Variants in TULP4 observed in about 807,000 individuals in gnomAD.
TULP4 encodes TUB like protein 4.
TULP4 carries 16 observed loss-of-function variants against 129.0 expected under a neutral mutation model. The observed-to-expected ratio is 0.12, with a 90% CI of 0.08 to 0.19. The LOEUF (loss-of-function observed/expected upper bound fraction) is 0.19, where lower values mean the gene tolerates loss of function less well. TULP4 is among the 10% of genes least tolerant of loss of function. The probability of loss-of-function intolerance (pLI) is 1.00; values close to 1 mark genes in which losing one functional copy is unlikely to be tolerated. For synonymous variants in TULP4, 998 were observed against 854.0 expected (o/e 1.17, Z -2.94); for missense variants, 1,842 against 2,059.1 (o/e 0.89, Z 2.04).
At chr6:158,409,219 C>T (rs1037622012) in intron 1 of TULP4, among the ~76,000 whole-genome samples, 5 of 152,282 alleles carry the variant, frequency 3.3e-5, no homozygotes, top group South Asian at 4.2e-4. Context: ...CAGTTCTGCC[C>T]TATGTTTTTT....
At chr6:158,367,648 G>A (rs1776952157) in intron 1 of TULP4, among the ~76,000 whole-genome samples, 1 of 152,132 alleles carries the variant, frequency 6.6e-6, no homozygotes, top group Admixed American at 6.6e-5. Context: ...TTTACAGCTA[G>A]TACATTAAAT....
At chr6:158,381,446 G>A (rs1777323731) in intron 1 of TULP4, among the ~76,000 whole-genome samples, 1 of 152,154 alleles carries the variant, frequency 6.6e-6, no homozygotes, top group Non-Finnish European at 1.5e-5. Flanking sequence ...TGGCAGTTCA[G>A]GACAGATTTT....
intron 1 of TULP4, among the ~76,000 whole-genome samples, chr6:158,289,587 GTTTTGTTTTT>G (rs1442124149): frequency 3.3e-5 from 5 of 151,838 alleles, no homozygotes; most frequent in Admixed American, 3.3e-4. Context: ...GTTTTGTTTT[GTTTTGTTTTT>G]TGAGACAGCG....
chr6:158,238,215 C>T, intron 1 of TULP4: 1 of 855,394 alleles, frequency 1.2e-6, no homozygotes. Context: ...AGCTTAATTT[C>T]AATTGCATTT....
intron 1 of TULP4, chr6:158,237,439 G>A: frequency 6.4e-7 from 1 of 1,572,968 alleles, no homozygotes; most frequent in Non-Finnish European, 8.7e-7. Context: ...GATGTTACTT[G>A]TAGAGGCAGA....
At chr6:158,339,371 C>T (rs1780123720) in intron 1 of TULP4, among the ~76,000 whole-genome samples, 1 of 152,176 alleles carries the variant, frequency 6.6e-6, no homozygotes, top group African/African-American at 2.4e-5. Flanking sequence ...GAAACTAGAA[C>T]CACTAAAGAA....
At chr6:158,486,715 C>A (rs1464593112) in intron 8 of TULP4, among the ~76,000 whole-genome samples, 3 of 152,158 alleles carry the variant, frequency 2.0e-5, no homozygotes, top group Non-Finnish European at 4.4e-5. Context: ...TTATTGGAGC[C>A]ACCCAAGTCT....
rs1037568557 is a variant in TULP4, at chr6:158,503,247, A to G, written c.3584A>G (p.Tyr1195Cys). The change falls in exon 13 of 14, where the codon TAT (tyrosine) becomes TGT (cysteine). Residue 1195 changes from tyrosine to cysteine, a missense_variant. By Grantham distance (194) the Tyr-to-Cys change is radical. Transcript: ENST00000367097. This position sits in a 1 kb window ranked among gnomAD's most constrained non-coding sequence, Gnocchi z 4.3. ...YGMGVPYPGSYNNPPLPGVQA... is the reference protein window; with the variant it reads ...YGMGVPYPGSCNNPPLPGVQA... ...ATGGGAGTGCCATATCCAGGAAGCTATAACAACCCCCCTTTGCCTGGAGTG... is the reference window on the plus strand; with the variant it reads ...ATGGGAGTGCCATATCCAGGAAGCTGTAACAACCCCCCTTTGCCTGGAGTG... 18 of 1,614,002 alleles carry G rather than the reference A, an allele frequency of 1.1e-5. No individual in the cohort carries two copies. Among genetic ancestry groups the G allele is most frequent in the Non-Finnish European group, 1.4e-5 (17 of 1,179,998 alleles).
rs766755286 is a variant in TULP4 at position 158,494,831 on chromosome 6, A to G, written c.1855A>G (p.Thr619Ala). Residue 619 changes from threonine (T) to alanine (A), a missense_variant, in exon 11 of 14, where the codon ACC (threonine) becomes GCC (alanine). By Grantham distance (58) the Thr-to-Ala change is moderately conservative. Coordinates refer to ENST00000367097, the MANE Select transcript of TULP4 (RefSeq NM_020245.5). The stretch of plus-strand genomic sequence containing the variant: ...TGTGGGCTTGGCTGCTTTCCTGCCA[A>G]CCAACCTCGGTGCAGGTAAAAATCA... ...KIVGLAAFLP[T>A]NLGAVIYKTS... 5.5e-5 allele frequency: 89 copies of G among 1,613,968 alleles called. No homozygotes were observed. Among genetic ancestry groups the G allele is most frequent in the Non-Finnish European group, 6.5e-5 (77 of 1,179,994 alleles).
chr6:158,275,481 A>G (rs1778628567), intron 1 of TULP4, among the ~76,000 whole-genome samples: 1 of 152,156 alleles, frequency 6.6e-6, no homozygotes, highest in African/African-American at 2.4e-5. Context: ...TTCTCCTGGC[A>G]CTGATTTGCA....
rs144824242 is a variant in TULP4 at position 158,497,739 on chromosome 6, G to A, written c.1871-930G>A. Reference sequence around the variant, plus strand: ...CTAGGGCCTTTCCTGCTATTGGGCAGGAGAAGTTACCTTAACCCATACCAG... The same window carrying A: ...CTAGGGCCTTTCCTGCTATTGGGCAAGAGAAGTTACCTTAACCCATACCAG... On this transcript the variant is annotated intron_variant, in intron 11 of 13. Transcript: ENST00000367097. Among the ~76,000 whole-genome samples the A allele has an allele frequency of 8.6e-4, 131 of 152,336 alleles. 1 individual carries two copies. Among genetic ancestry groups the A allele is most frequent in the African/African-American group, 3.0e-3 (124 of 41,580 alleles).
intron 5 of TULP4, among the ~76,000 whole-genome samples, chr6:158,453,034 CTGAA>C (rs1779198680): frequency 6.6e-6 from 1 of 152,144 alleles, no homozygotes; most frequent in Non-Finnish European, 1.5e-5. Flanking sequence ...CTCCTGTAAT[CTGAA>C]TGAGGATATA....
intron 1 of TULP4, among the ~76,000 whole-genome samples, chr6:158,346,481 A>G (rs1270059834): frequency 6.6e-6 from 1 of 152,190 alleles, no homozygotes; most frequent in Admixed American, 6.5e-5. Context: ...CTAGGAAACC[A>G]AAAAATGGTG....
chr6:158,502,441 G>T lies in TULP4; in HGVS notation c.2778G>T (p.Arg926Ser). 6.2e-7 allele frequency: 1 copy of T among 1,613,308 alleles called. No homozygotes were observed. ...GCCCGGGTAGCTCTGCCACCTTGAG[G>T]CTCACGGCCACTGAGAAGAAGGTCC... ...LPGPGSSATL[R>S]LTATEKKVPQ... The change falls in exon 13 of 14, where the codon AGG becomes AGT. Residue 926 changes from arginine to serine, a missense_variant. Transcript: ENST00000367097.
At chr6:158,447,798 G>T (rs980908143) in intron 3 of TULP4, among the ~76,000 whole-genome samples, 17 of 152,222 alleles carry the variant, frequency 1.1e-4, no homozygotes, top group Admixed American at 5.2e-4. Flanking sequence ...TAATGCCTTT[G>T]TCAGCTTACT....
At chr6:158,319,633 CAGCT>C (rs1219808363) in intron 1 of TULP4, among the ~76,000 whole-genome samples, 1 of 152,190 alleles carries the variant, frequency 6.6e-6, no homozygotes, top group East Asian at 1.9e-4. Flanking sequence ...ATTTCACCCT[CAGCT>C]AGTATGTAAA....
At position 158,235,954 on chromosome 6, in the gene TULP4, C is replaced by T. The variant is rs114703864; in HGVS notation, n.68+3651C>T. ...GGACCCATGGGGGATAAAACCAGTA[C>T]GTGTGTTAAATCCTTGCTGGGTCCT... On this transcript the variant is annotated intron_variant and non_coding_transcript_variant, in intron 1 of 1. Coordinates refer to the TULP4 transcript ENST00000620026. 3.8e-3 allele frequency among the ~76,000 whole-genome samples: 580 copies of T among 152,292 alleles called. 4 individuals carry two copies. The highest frequency in any genetic ancestry group is 0.013 in the African/African-American group (554 of 41,536).
Position 158,237,551 on chromosome 6 carries a change from C to T in TULP4, n.68+5248C>T, listed in dbSNP as rs1562489516. Reference sequence around the variant, plus strand: ...GCTCCTGCAGTTGCTCCCTGGGTCCCTTTTCCCATCTGATCCTTCTTTTTA... The same window carrying T: ...GCTCCTGCAGTTGCTCCCTGGGTCCTTTTTCCCATCTGATCCTTCTTTTTA... On this transcript the variant is annotated intron_variant and non_coding_transcript_variant, in intron 1 of 1. Coordinates refer to the TULP4 transcript ENST00000620026. 8 of 1,553,056 alleles carry T rather than the reference C, an allele frequency of 5.2e-6. No homozygotes were observed. In the African/African-American group the frequency reaches 5.5e-5, roughly 11 times the overall value.
At chr6:158,274,576 A>G (rs566848488) in intron 1 of TULP4, among the ~76,000 whole-genome samples, 1 of 152,228 alleles carries the variant, frequency 6.6e-6, no homozygotes, top group Admixed American at 6.5e-5. Flanking sequence ...GGAGATCGAG[A>G]CCATCCTGGC....
Sources: gnomAD v4.1 joint callset for allele counts (sites outside exome capture counted in the v4.1 genomes callset) on GRCh38, gnomAD v4.1.1 for gene constraint, Gnocchi (gnomAD v3.1) non-coding constraint, MANE v1.5 for transcripts, NCBI Gene and HGNC (gene_info 2026-07-23, HGNC 2026-07-21) for gene names.